DDX31: variants seen among roughly 807,000 people sequenced by gnomAD.
The protein encoded by DDX31 is DEAD-box helicase 31.
DDX31 carries 70 observed loss-of-function variants against 91.3 expected under a neutral mutation model. The ratio of observed to expected loss-of-function variants is 0.77; its 90% CI spans 0.63 to 0.94. The LOEUF (loss-of-function observed/expected upper bound fraction) is 0.94, where lower values mean the gene tolerates loss of function less well. DDX31 is among the 40% of genes least tolerant of loss of function. The pLI, the probability that DDX31 is intolerant of heterozygous loss-of-function variation, is 0.00. For synonymous variants in DDX31, 362 were observed against 350.6 expected (o/e 1.03, Z -0.36); for missense variants, 902 against 925.0 (o/e 0.98, Z 0.32).
Position 132,623,030 on chromosome 9 carries a change from T to C in DDX31, c.1713+2634A>G, listed in dbSNP as rs578203855. Among the ~76,000 whole-genome samples the C allele has an allele frequency of 1.5e-3, 220 of 151,282 alleles. 2 individuals are homozygous for C. The highest frequency in any genetic ancestry group is 7.6e-3 in the Admixed American group (115 of 15,166). Reference sequence around the variant, plus strand: ...TCTGTAATCGAGCTACTTGGGAGGCTGAGGCAGGAGAATCGGTGGAACCCA... The same window carrying C: ...TCTGTAATCGAGCTACTTGGGAGGCCGAGGCAGGAGAATCGGTGGAACCCA... On this transcript the variant is annotated intron_variant, in intron 17 of 19. Transcript: ENST00000372159.
At chr9:132,603,758 C>T (rs373306473) in intron 19 of DDX31, among the ~76,000 whole-genome samples, 3 of 152,194 alleles carry the variant, frequency 2.0e-5, no homozygotes, top group African/African-American at 4.8e-5. Flanking sequence ...CCGGGAGAGG[C>T]TGGCTGGGTT....
At chr9:132,607,039 C>G (rs981814125) in intron 19 of DDX31, among the ~76,000 whole-genome samples, 16 of 152,208 alleles carry the variant, frequency 1.1e-4, no homozygotes, top group African/African-American at 3.4e-4. Context: ...CCTGTCCTAT[C>G]TATGAAGAAG....
rs576332867 is a variant in DDX31 at position 132,651,567 on chromosome 9, T to C, written c.634-451A>G. On this transcript the variant is annotated intron_variant, in intron 7 of 19. Transcript: ENST00000372159. ...CGCTCTCAAGGAGCGATGACTGTAT[T>C]CTACAACTGTGCCAGGATATCTGAA... Among the ~76,000 whole-genome samples, 3 of 152,324 alleles carry C rather than the reference T, an allele frequency of 2.0e-5. No homozygotes were observed. In the South Asian group the frequency reaches 6.2e-4, roughly 32 times the overall value.
At chr9:132,629,607 T>C (rs1350837583) in intron 16 of DDX31, among the ~76,000 whole-genome samples, 1 of 151,872 alleles carries the variant, frequency 6.6e-6, no homozygotes, top group Non-Finnish European at 1.5e-5. Flanking sequence ...GGGAGAAAAG[T>C]GTTGCAGTTT....
At chr9:132,641,091 T>A (rs770372331) in intron 14 of DDX31, among the ~76,000 whole-genome samples, 10 of 152,154 alleles carry the variant, frequency 6.6e-5, no homozygotes, top group Non-Finnish European at 1.5e-4. Context: ...CACACATATA[T>A]AAACACACAA....
At chr9:132,668,050 T>C (rs1365614168) in intron 1 of DDX31, among the ~76,000 whole-genome samples, 1 of 152,124 alleles carries the variant, frequency 6.6e-6, no homozygotes, top group African/African-American at 2.4e-5. Flanking sequence ...CCCAAGTGTA[T>C]CCTATTCCAA....
chr9:132,612,335 T>C, intron 18 of DDX31, 80 bp from the exon 19 acceptor site: 1 of 1,530,936 alleles, frequency 6.5e-7, no homozygotes, highest in Non-Finnish European at 9.0e-7. Context: ...AATGGTTATC[T>C]TCTGTACTTT....
intron 13 of DDX31, among the ~76,000 whole-genome samples, chr9:132,644,345 G>T (rs958172549): frequency 1.3e-5 from 2 of 152,204 alleles, no homozygotes; most frequent in African/African-American, 4.8e-5. Flanking sequence ...CACTTCCTGT[G>T]TGCTAGGCCC....
intron 11 of DDX31, among the ~76,000 whole-genome samples, chr9:132,647,429 T>C (rs546506000): frequency 2.6e-5 from 4 of 152,306 alleles, no homozygotes; most frequent in East Asian, 1.9e-4. Flanking sequence ...AGGGCCTTTA[T>C]TGTGTTAATG....
chr9:132,635,114 C>G lies in DDX31; in HGVS notation c.1441-3023G>C, dbSNP rs142043688. ...GGTTAGGCTTTCTGGCACAAACAAC[C>G]TCAGGGTGGTGTGTGCTTCCCATGG... On this transcript the variant is annotated intron_variant, in intron 14 of 19. Transcript: ENST00000372159. 7.9e-5 allele frequency among the ~76,000 whole-genome samples: 12 copies of G among 152,298 alleles called. No homozygotes were observed. The East Asian group carries it at 2.3e-3, about 29-fold the overall frequency.
At chr9:132,618,518 A>T in intron 17 of DDX31, 77 bp from the exon 18 acceptor site, 35 of 1,276,368 alleles carry the variant, frequency 2.7e-5, no homozygotes, top group Non-Finnish European at 3.7e-5. Context: ...AATAGATTTA[A>T]TAACAGTAAA....
In DDX31 at chr9:132,612,064, G is replaced by A. The variant is rs372159165; in HGVS notation, c.1994+23C>T. On this transcript the variant is annotated intron_variant, in intron 19 of 19. Coordinates refer to ENST00000372159, the MANE Select transcript of DDX31 (RefSeq NM_022779.9). The stretch of plus-strand genomic sequence containing the variant: ...GAACGGAGCTCTCTAGCCCCGTCAC[G>A]GGACGAATTCAGCTCATCTTACCTT... 1.1e-4 allele frequency: 180 copies of A among 1,606,656 alleles called. 1 individual carries two copies. Among genetic ancestry groups the A allele is most frequent in the Admixed American group, 1.5e-4 (9 of 59,750 alleles).
At chr9:132,644,346 T>G (rs1407955705) in intron 13 of DDX31, among the ~76,000 whole-genome samples, 2 of 152,230 alleles carry the variant, frequency 1.3e-5, no homozygotes, top group Non-Finnish European at 2.9e-5. Context: ...ACTTCCTGTG[T>G]GCTAGGCCCT....
chr9:132,640,132 C>T (rs868543345), intron 14 of DDX31, among the ~76,000 whole-genome samples: 15 of 152,258 alleles, frequency 9.9e-5, no homozygotes, highest in Middle Eastern at 3.4e-3. Context: ...TGCTTACGAC[C>T]GGCTGGGAAG....
intron 15 of DDX31, among the ~76,000 whole-genome samples, chr9:132,631,506 C>T (rs540026159): frequency 6.6e-6 from 1 of 152,242 alleles, no homozygotes; most frequent in East Asian, 1.9e-4. Flanking sequence ...CCAGCCCCGA[C>T]ACAAAAGGGC....
intron 17 of DDX31, among the ~76,000 whole-genome samples, chr9:132,620,896 T>C (rs565633380): frequency 9.0e-4 from 137 of 152,140 alleles, no homozygotes; most frequent in Non-Finnish European, 1.5e-3. Flanking sequence ...TAGTGGACCA[T>C]GGGTAGTTTA....
In DDX31 at chr9:132,642,795, G is replaced by A. The variant is rs190353853; in HGVS notation, c.1381-732C>T. ...ACTAAATGGATGCACCATTATTTAC[G>A]TGACCAATGTTGTATTATGGCAATT... On this transcript the variant is annotated intron_variant, in intron 13 of 19. Coordinates refer to ENST00000372159, the MANE Select transcript of DDX31 (RefSeq NM_022779.9). 8.9e-4 allele frequency among the ~76,000 whole-genome samples: 135 copies of A among 151,630 alleles called. 2 individuals carry two copies. The highest frequency in any genetic ancestry group is 1.3e-3 in the Non-Finnish European group (89 of 67,940).
intron 14 of DDX31, among the ~76,000 whole-genome samples, chr9:132,638,949 G>T (rs932801501): frequency 6.6e-6 from 1 of 152,082 alleles, no homozygotes; most frequent in Non-Finnish European, 1.5e-5. Context: ...CAGTATAAAG[G>T]GGGGAAAATC....
At chr9:132,648,362 A>G in intron 10 of DDX31, 67 bp from the exon 11 acceptor site, 1 of 1,605,720 alleles carries the variant, frequency 6.2e-7, no homozygotes, top group Non-Finnish European at 8.5e-7. Flanking sequence ...AAGGGGCTAC[A>G]GAAGTTGCAA....
Sources: gnomAD v4.1 joint callset for allele counts (sites outside exome capture counted in the v4.1 genomes callset) on GRCh38, gnomAD v4.1.1 for gene constraint, MANE v1.5 for transcripts, NCBI Gene and HGNC (gene_info 2026-07-23, HGNC 2026-07-21) for gene names.